REPS2: variants seen among roughly 807,000 people sequenced by gnomAD.
The protein encoded by REPS2 is ralBP1-associated Eps domain-containing protein 2.
In REPS2, 23 loss-of-function variants were observed where a neutral mutation model predicts 53.6. The ratio of observed to expected loss-of-function variants is 0.43; its 90% CI spans 0.31 to 0.61. REPS2 has a LOEUF of 0.61. REPS2 is among the 20% of genes least tolerant of loss of function. The probability of loss-of-function intolerance (pLI) is 0.11; values close to 1 mark genes in which losing one functional copy is unlikely to be tolerated. For missense variants in REPS2, 446 were observed against 534.9 expected (o/e 0.83, Z 1.64); for synonymous variants, 238 against 218.6 (o/e 1.09, Z -0.78).
In REPS2 at chrX:16,965,017, C is replaced by T. The variant is rs1489435090; in HGVS notation, c.273+17883C>T. On this transcript the variant is annotated intron_variant, in intron 1 of 17. Coordinates refer to ENST00000357277, the MANE Select transcript of REPS2 (RefSeq NM_004726.3). ...GCAGAGGCGCCCCTCACCTCCCGGACGGGGCGGCTGGCCGGGCGGGGGGCT... is the reference window on the plus strand; with the variant it reads ...GCAGAGGCGCCCCTCACCTCCCGGATGGGGCGGCTGGCCGGGCGGGGGGCT... Among the ~76,000 whole-genome samples, 10 of 83,020 alleles carry T rather than the reference C, an allele frequency of 1.2e-4. 1 individual carries two copies. Among genetic ancestry groups the T allele is most frequent in the Non-Finnish European group, 2.1e-4 (9 of 42,140 alleles). 72.1% of individuals were successfully genotyped at this position (83,020 alleles called of 115,157 possible). A position where few individuals can be genotyped will look rare whatever the true frequency, so the allele number is the denominator to read the frequency against.
rs11295347 is a variant in REPS2, at chrX:17,018,602, CTT to C, written c.398-3507_398-3506del. ...GCTTGTTTCACTTCTTTCTTTCTTT[CTT>C]TTTTTTTTTTTTTAATGTGGCTCAC... On this transcript the variant is annotated intron_variant, in intron 2 of 17. Transcript: ENST00000357277. Among the ~76,000 whole-genome samples the C allele has an allele frequency of 7.5e-3, 677 of 90,341 alleles. 3 individuals are homozygous for C. The highest frequency in any genetic ancestry group is 0.02 in the African/African-American group (487 of 24,188). The allele number at this position is 90,341 out of a possible 115,157, so 78.5% of individuals were successfully genotyped here. A position where few individuals can be genotyped will look rare whatever the true frequency, so the allele number is the denominator to read the frequency against.
Position 17,151,614 on chromosome X carries a change from G to T in REPS2, c.*4133G>T, listed in dbSNP as rs1251390411. On this transcript the variant is annotated 3_prime_UTR_variant, in exon 18 of 18. Transcript: ENST00000357277. Reference sequence around the variant, plus strand: ...GGGAATGTGGTTTTAAAAATAAAAAGAAAACAATATAACGTATCATGGCAA... The same window carrying T: ...GGGAATGTGGTTTTAAAAATAAAAATAAAACAATATAACGTATCATGGCAA... 8.9e-6 allele frequency: 1 copy of T among 112,325 alleles called. No individual in the cohort carries two copies. Among genetic ancestry groups the T allele is most frequent in the Non-Finnish European group, 1.9e-5 (1 of 53,172 alleles). 9.3% of individuals were successfully genotyped at this position (112,325 alleles called of 1,213,427 possible). A position where few individuals can be genotyped will look rare whatever the true frequency, so the allele number is the denominator to read the frequency against.
At chrX:17,173,088 T>G in the REPS2 span, among the ~76,000 whole-genome samples, 10 of 111,114 alleles carry the variant, frequency 9.0e-5, 1 homozygote, top group East Asian at 2.8e-3. Context: ...CCTCTATTAG[T>G]TTTCTATTTC....
intron 5 of REPS2, among the ~76,000 whole-genome samples, chrX:17,031,170 C>T (rs1467404196): frequency 8.9e-6 from 1 of 112,282 alleles, no homozygotes; most frequent in Non-Finnish European, 1.9e-5. Flanking sequence ...GAAAAGGTAT[C>T]AGTAGGACTG....
the REPS2 span, among the ~76,000 whole-genome samples, chrX:17,186,147 T>C: frequency 8.9e-6 from 1 of 112,229 alleles, no homozygotes; most frequent in Non-Finnish European, 1.9e-5. Flanking sequence ...CTACCATATT[T>C]GCAGTGCTGT....
At chrX:17,106,281 G>A (rs2062872387) in intron 14 of REPS2, among the ~76,000 whole-genome samples, 1 of 111,410 alleles carries the variant, frequency 9.0e-6, no homozygotes, top group South Asian at 3.9e-4. Flanking sequence ...CAAGGGATGT[G>A]AAGGACCTCT....
At chrX:17,040,218 G>A (rs1470080322) in intron 5 of REPS2, among the ~76,000 whole-genome samples, 2 of 112,396 alleles carry the variant, frequency 1.8e-5, no homozygotes, top group Non-Finnish European at 3.8e-5. Flanking sequence ...TTGAAATAAA[G>A]ACTAGAAAGA....
At chrX:17,194,021 A>T in the REPS2 span, among the ~76,000 whole-genome samples, 3 of 111,809 alleles carry the variant, frequency 2.7e-5, no homozygotes, top group Admixed American at 2.9e-4. Context: ...AGCTGGCCCC[A>T]GCCCCGATGC....
intron 17 of REPS2, among the ~76,000 whole-genome samples, chrX:17,141,125 G>A (rs762951698): frequency 2.6e-4 from 29 of 111,661 alleles, no homozygotes; most frequent in Non-Finnish European, 4.9e-4. Flanking sequence ...ATGTACTTAC[G>A]GAATCCAAAC....
chrX:16,946,688 G>A lies in REPS2; in HGVS notation c.-174G>A. On this transcript the variant is annotated 5_prime_UTR_variant, in exon 1 of 18. Coordinates refer to ENST00000357277, the MANE Select transcript of REPS2 (RefSeq NM_004726.3). ...TCAAGCCCGGGGGTGGGGCCGGCGC[G>A]CGCCGGGAGGAAGCGGCCGCGCGGC... 2.3e-6 allele frequency: 1 copy of A among 432,957 alleles called. No individual in the cohort carries two copies. Among genetic ancestry groups the A allele is most frequent in the Non-Finnish European group, 2.9e-6 (1 of 347,838 alleles). The allele number at this position is 432,957 out of a possible 1,213,427, so 35.7% of individuals were successfully genotyped here.
At chrX:17,088,446 C>T (rs2062570621) in intron 13 of REPS2, among the ~76,000 whole-genome samples, 1 of 110,862 alleles carries the variant, frequency 9.0e-6, no homozygotes, top group African/African-American at 3.3e-5. Context: ...TATTAGTAAA[C>T]ATGGATAAAT....
At chrX:17,061,113 G>A (rs2062152884) in intron 8 of REPS2, among the ~76,000 whole-genome samples, 3 of 111,918 alleles carry the variant, frequency 2.7e-5, no homozygotes, top group Non-Finnish European at 5.6e-5. Flanking sequence ...ACCAGTCAGA[G>A]CCTTGATTGA....
intron 1 of REPS2, among the ~76,000 whole-genome samples, chrX:16,949,346 C>T (rs974662101): frequency 2.7e-5 from 3 of 111,846 alleles, no homozygotes; most frequent in Non-Finnish European, 5.6e-5. Flanking sequence ...TAATAATGTT[C>T]CAGGAAGAGT....
rs2147571216 is a variant in REPS2 at position 16,946,671 on chromosome X, G to C, written c.-191G>C. 1 of 309,506 alleles carries C rather than the reference G, an allele frequency of 3.2e-6. No individual in the cohort carries two copies. Among genetic ancestry groups the C allele is most frequent in the Non-Finnish European group, 4.3e-6 (1 of 234,323 alleles). 25.5% of individuals were successfully genotyped at this position (309,506 alleles called of 1,213,427 possible). A position where few individuals can be genotyped will look rare whatever the true frequency, so the allele number is the denominator to read the frequency against. ...CAGCTGAGGCACAACATTCAAGCCCGGGGGTGGGGCCGGCGCGCGCCGGGA... is the reference window on the plus strand; with the variant it reads ...CAGCTGAGGCACAACATTCAAGCCCCGGGGTGGGGCCGGCGCGCGCCGGGA... On this transcript the variant is annotated 5_prime_UTR_variant, in exon 1 of 18. Transcript: ENST00000357277.
intron 2 of REPS2, among the ~76,000 whole-genome samples, chrX:17,006,922 A>G (rs2061368942): frequency 8.9e-6 from 1 of 111,786 alleles, no homozygotes; most frequent in Non-Finnish European, 1.9e-5. Flanking sequence ...AGCACTTTCT[A>G]CAATTTAAAC....
At chrX:16,983,900 C>T (rs2061055309) in intron 1 of REPS2, among the ~76,000 whole-genome samples, 1 of 112,717 alleles carries the variant, frequency 8.9e-6, no homozygotes, top group Middle Eastern at 4.6e-3. Context: ...GAATTCGAAG[C>T]ACATCTGTTT....
chrX:17,109,663 C>G (rs979015280), intron 14 of REPS2, among the ~76,000 whole-genome samples: 6 of 111,079 alleles, frequency 5.4e-5, no homozygotes, highest in African/African-American at 1.3e-4. Context: ...TGCCTCAGGT[C>G]CTGTGTGTAC....
chrX:16,963,126 TTGTATG>T (rs1043852832), intron 1 of REPS2, among the ~76,000 whole-genome samples: 1 of 111,816 alleles, frequency 8.9e-6, no homozygotes, highest in African/African-American at 3.3e-5. Context: ...TAAAAAATAG[TTGTATG>T]TGTATATGTA....
rs149948050 is a variant in REPS2 at position 17,071,529 on chromosome X, G to A, written c.1333+1536G>A. ...AGAAGTATGTCGGAATTGATTTCTC[G>A]TTGTGCCTGGCAGCATGCTATGTGT... On this transcript the variant is annotated intron_variant, in intron 11 of 17. Coordinates refer to ENST00000357277, the MANE Select transcript of REPS2 (RefSeq NM_004726.3). Among the ~76,000 whole-genome samples, 27 of 111,369 alleles carry A rather than the reference G, an allele frequency of 2.4e-4. No individual in the cohort carries two copies. In the East Asian group the frequency reaches 7.1e-3, roughly 29 times the overall value.
Sources: gnomAD v4.1 joint callset for allele counts (sites outside exome capture counted in the v4.1 genomes callset) on GRCh38, gnomAD v4.1.1 for gene constraint, MANE v1.5 for transcripts, NCBI Gene and HGNC (gene_info 2026-07-23, HGNC 2026-07-21) for gene names.